The following GALNT9 variants were observed in gnomAD, a reference collection of about 807,000 sequenced individuals.
The protein encoded by GALNT9 is polypeptide N-acetylgalactosaminyltransferase 9.
Under a neutral mutation model 63.1 loss-of-function variants are expected in GALNT9, and 47 were observed. The observed-to-expected ratio is 0.75, with a 90% CI of 0.59 to 0.95. The LOEUF is 0.95. Among genes scored for constraint, GALNT9 ranks in the 40% least tolerant of loss-of-function variants. GALNT9 has a pLI of 0.00. For synonymous variants in GALNT9, 396 were observed against 365.7 expected (o/e 1.08, Z -0.94); for missense variants, 829 against 874.8 (o/e 0.95, Z 0.66).
rs1205962507 is a variant in GALNT9 at position 132,198,592 on chromosome 12, G to A, written c.1497+582C>T. 2.0e-5 allele frequency among the ~76,000 whole-genome samples: 3 copies of A among 152,174 alleles called. No homozygotes were observed. The South Asian group carries it at 6.2e-4, about 31-fold the overall frequency. On this transcript the variant is annotated intron_variant, in intron 9 of 10. Transcript: ENST00000328957. ...GCGACAGTCCTGAGCGGTAAGTGCT[G>A]TTGCCGTCTCTCTTGACTGAGGGGG... is the stretch of plus-strand genomic sequence containing the variant.
At chr12:132,302,993 G>A (rs1881360853) in intron 1 of GALNT9, among the ~76,000 whole-genome samples, 1 of 152,134 alleles carries the variant, frequency 6.6e-6, no homozygotes, top group Non-Finnish European at 1.5e-5. Context: ...GAACCCAGGG[G>A]CCTGTGCAGA....
chr12:132,298,389 C>G (rs28380125), intron 1 of GALNT9, among the ~76,000 whole-genome samples: 1 of 151,322 alleles, frequency 6.6e-6, no homozygotes, highest in Non-Finnish European at 1.5e-5. Flanking sequence ...TCCCACCATA[C>G]CTAATCCACT....
In GALNT9 at chr12:132,203,515, A is replaced by C. The variant is rs1340556211; in HGVS notation, c.1253T>G (p.Ile418Ser). The C allele has an allele frequency of 6.2e-7, 1 of 1,613,438 alleles. No individual in the cohort carries two copies. The highest frequency in any genetic ancestry group is 8.5e-7 in the Non-Finnish European group (1 of 1,179,636). The change falls in exon 7 of 11, where the codon ATC becomes AGC. Residue 418 changes from isoleucine to serine, a missense_variant. Ile to Ser is a moderately radical substitution (Grantham distance 142). Transcript: ENST00000328957. ...CTGTGGGGGACTCACCGACATGGGG[A>C]TGTTCCAGGCCATGTACACGTGGGA... Reference protein sequence around the residue: ...FKSHVYMAWNIPMSNPGVDFG... With the variant: ...FKSHVYMAWNSPMSNPGVDFG...
chr12:132,260,896 TG>T lies in GALNT9; in HGVS notation c.761+51del. On this transcript the variant is annotated intron_variant, in intron 4 of 10. Coordinates refer to ENST00000328957, the MANE Select transcript of GALNT9 (RefSeq NM_001122636.2). ...GCCGCACGGCGGCTTAGGAGGGGGA[TG>T]GTGGAGGGGGACCCGCTGAGACTGG... 6.1e-6 allele frequency: 9 copies of T among 1,465,286 alleles called. No homozygotes were observed. The South Asian group carries it at 1.3e-4, about 21-fold the overall frequency. The allele number at this position is 1,465,286 out of a possible 1,614,324, so 90.8% of individuals were successfully genotyped here. A position where few individuals can be genotyped will look rare whatever the true frequency, so the allele number is the denominator to read the frequency against.
chr12:132,303,950 CCCTCACCTGGGCACAG>C lies in GALNT9; in HGVS notation c.239-17536_239-17521del, dbSNP rs1299407320. 1.0e-4 allele frequency among the ~76,000 whole-genome samples: 4 copies of C among 38,920 alleles called. 1 individual carries two copies. The highest frequency in any genetic ancestry group is 1.9e-4 in the Non-Finnish European group (4 of 21,104). 25.5% of individuals were successfully genotyped at this position (38,920 alleles called of 152,430 possible). On this transcript the variant is annotated intron_variant, in intron 1 of 10. Transcript: ENST00000328957. Reference sequence around the variant, plus strand: ...CCAGACACACCCTCGCCCGGGCACACCCTCACCTGGGCACAGCCTCACCGGGGCACACCCTCACCCA... The same window carrying C: ...CCAGACACACCCTCGCCCGGGCACACCCTCACCGGGGCACACCCTCACCCA...
chr12:132,271,896 C>T (rs1879880223), intron 2 of GALNT9, among the ~76,000 whole-genome samples: 1 of 152,150 alleles, frequency 6.6e-6, no homozygotes, highest in African/African-American at 2.4e-5. Flanking sequence ...CGGCAGCAGC[C>T]ATGTGGGGCC....
At chr12:132,283,953 GC>G (rs1216721080) in intron 2 of GALNT9, 1 of 151,674 alleles carries the variant, frequency 6.6e-6, no homozygotes, top group African/African-American at 2.4e-5. Flanking sequence ...CTGCCACACA[GC>G]TGCCTGGAGG....
At chr12:132,213,517 A>C (rs1273505908) in intron 6 of GALNT9, among the ~76,000 whole-genome samples, 1 of 150,486 alleles carries the variant, frequency 6.6e-6, no homozygotes. Flanking sequence ...AGGCGCACTC[A>C]CACACACGCA....
intron 1 of GALNT9, among the ~76,000 whole-genome samples, chr12:132,320,549 G>A (rs1177321342): frequency 2.9e-5 from 2 of 69,680 alleles, no homozygotes; most frequent in Admixed American, 1.4e-4. Context: ...CGTTTTACTA[G>A]TAAATATCAG....
chr12:132,204,130 A>AT (rs1472588942), intron 6 of GALNT9, among the ~76,000 whole-genome samples: 1 of 149,066 alleles, frequency 6.7e-6, no homozygotes, highest in Non-Finnish European at 1.5e-5. Context: ...CGCTCCACGC[A>AT]TCCCCAGAAC....
At chr12:132,312,186 TAA>T in intron 1 of GALNT9, among the ~76,000 whole-genome samples, 1 of 152,348 alleles carries the variant, frequency 6.6e-6, no homozygotes, top group Middle Eastern at 3.4e-3. Context: ...GCAATACCTG[TAA>T]AATATATTCT....
intron 1 of GALNT9, among the ~76,000 whole-genome samples, chr12:132,288,229 T>TTC (rs1201670610): frequency 2.4e-4 from 37 of 152,268 alleles, no homozygotes; most frequent in African/African-American, 7.9e-4. Context: ...GTGAGTGGCT[T>TTC]TCTCCCCTCA....
intron 6 of GALNT9, among the ~76,000 whole-genome samples, chr12:132,239,713 G>C (rs1878170166): frequency 6.6e-6 from 1 of 152,090 alleles, no homozygotes; most frequent in Admixed American, 6.5e-5. Flanking sequence ...GAGACAAAGA[G>C]ACACAGAGAG....
rs1461361671 is a variant in GALNT9, at chr12:132,319,880, C to T, written c.238+9086G>A. 6.6e-6 allele frequency among the ~76,000 whole-genome samples: 1 copy of T among 152,328 alleles called. No homozygotes were observed. Among genetic ancestry groups the T allele is most frequent in the East Asian group, 1.9e-4 (1 of 5,162 alleles). ...CTGTGTCTTCTCCACCCTCAGCCTC[C>T]GGAGGTTCGGAGGCACTCACTGACC... is the stretch of plus-strand genomic sequence containing the variant. On this transcript the variant is annotated intron_variant, in intron 1 of 10. Coordinates refer to ENST00000328957, the MANE Select transcript of GALNT9 (RefSeq NM_001122636.2). This position sits in a 1 kb window ranked among gnomAD's most constrained non-coding sequence, Gnocchi z 5.2.
At chr12:132,200,054 G>C (rs1380387390) in intron 8 of GALNT9, among the ~76,000 whole-genome samples, 3 of 152,224 alleles carry the variant, frequency 2.0e-5, no homozygotes, top group Admixed American at 6.5e-5. Flanking sequence ...GGAGTGGGCA[G>C]AGTAGAAGCA....
At chr12:132,291,299 TAGCACCCACATCCAC>T (rs1362109505) in intron 1 of GALNT9, among the ~76,000 whole-genome samples, 1,659 of 6,886 alleles carry the variant, frequency 0.24, 195 homozygotes, top group Non-Finnish European at 0.3. Flanking sequence ...CCCACGTCCA[TAGCACCCACATCCAC>T]AGCACCCACA....
chr12:132,264,770 G>C (rs890316318), intron 2 of GALNT9, among the ~76,000 whole-genome samples: 24 of 152,216 alleles, frequency 1.6e-4, no homozygotes, highest in African/African-American at 5.8e-4. Flanking sequence ...GCTCCACCGC[G>C]TCATGCTGGA....
chr12:132,323,531 C>G (rs1271966762), intron 1 of GALNT9, among the ~76,000 whole-genome samples: 1 of 152,196 alleles, frequency 6.6e-6, no homozygotes, highest in South Asian at 2.1e-4. Flanking sequence ...AAATCCCCAG[C>G]GAATCTGGGG....
chr12:132,222,889 A>C (rs1877507849), intron 6 of GALNT9, among the ~76,000 whole-genome samples: 1 of 47,060 alleles, frequency 2.1e-5, no homozygotes, highest in Non-Finnish European at 4.1e-5. Flanking sequence ...TACACCCCAC[A>C]CAACCCGCAC....
Sources: gnomAD v4.1 joint callset for allele counts (sites outside exome capture counted in the v4.1 genomes callset) on GRCh38, gnomAD v4.1.1 for gene constraint, Gnocchi (gnomAD v3.1) non-coding constraint, MANE v1.5 for transcripts, NCBI Gene and HGNC (gene_info 2026-07-23, HGNC 2026-07-21) for gene names.